The following AGBL3 variants were observed in gnomAD, a reference collection of about 807,000 sequenced individuals.
The protein encoded by AGBL3 is AGBL carboxypeptidase 3, also known as cytosolic carboxypeptidase 3.
Under a neutral mutation model 94.5 loss-of-function variants are expected in AGBL3, and 68 were observed. The observed-to-expected ratio is 0.72, with a 90% CI of 0.59 to 0.88. The LOEUF is 0.88. Among genes scored for constraint, AGBL3 ranks in the 40% least tolerant of loss-of-function variants. The pLI is 0.00. For missense variants in AGBL3, 934 were observed against 1,103.8 expected (o/e 0.85, Z 2.18); for synonymous variants, 354 against 370.7 (o/e 0.95, Z 0.52).
intron 15 of AGBL3, chr7:135,100,201 A>T (rs989619562): frequency 6.6e-6 from 1 of 152,056 alleles, no homozygotes; most frequent in Non-Finnish European, 1.5e-5. Flanking sequence ...TTTAAAAAAA[A>T]AAAAAACACT....
At chr7:135,118,363 G>GA (rs995466070) in intron 16 of AGBL3, among the ~76,000 whole-genome samples, 7 of 152,032 alleles carry the variant, frequency 4.6e-5, no homozygotes, top group African/African-American at 1.7e-4. Flanking sequence ...TTGTCACCTA[G>GA]ACCCCACCCC....
At chr7:135,034,036 G>T (rs1437348393) in intron 6 of AGBL3, 113 bp from the exon 7 acceptor site, 15 of 970,390 alleles carry the variant, frequency 1.5e-5, no homozygotes, top group Non-Finnish European at 2.2e-5. Context: ...TTCTGTGAAT[G>T]AGTAAAAATA....
chr7:134,993,713 A>G, intron 4 of AGBL3, 35 bp downstream of exon 4: 1 of 1,424,076 alleles, frequency 7.0e-7, no homozygotes, highest in Non-Finnish European at 9.3e-7. Context: ...TTCAGACATT[A>G]GCAAACTTAC....
intron 4 of AGBL3, among the ~76,000 whole-genome samples, chr7:134,996,774 ACATTCC>A (rs1036845937): frequency 6.6e-6 from 1 of 152,174 alleles, no homozygotes; most frequent in Admixed American, 6.5e-5. Flanking sequence ...TTTTGGGGGT[ACATTCC>A]CATAATTTCT....
chr7:135,066,660 C>T (rs1819335493), intron 12 of AGBL3, among the ~76,000 whole-genome samples: 1 of 152,212 alleles, frequency 6.6e-6, no homozygotes, highest in Admixed American at 6.5e-5. Flanking sequence ...GAGATATTAG[C>T]ATTCCCATGT....
intron 15 of AGBL3, among the ~76,000 whole-genome samples, chr7:135,095,604 CA>C (rs1159723825): frequency 2.0e-5 from 3 of 152,154 alleles, no homozygotes; most frequent in Non-Finnish European, 4.4e-5. Flanking sequence ...CAAGAAAATA[CA>C]AAAGCCATAT....
chr7:135,037,411 C>T lies in AGBL3; in HGVS notation c.1338-7C>T, dbSNP rs1009041294. On this transcript the variant is annotated splice_region_variant and splice_polypyrimidine_tract_variant and intron_variant, in intron 7 of 16. Transcript: ENST00000436302. ...AAAAGTTAGTAACTTATCTTTCTTCCTGGCAGACTGATGGAGAAACGAGAG... is the reference window on the plus strand; with the variant it reads ...AAAAGTTAGTAACTTATCTTTCTTCTTGGCAGACTGATGGAGAAACGAGAG... 2.5e-5 allele frequency: 39 copies of T among 1,536,918 alleles called. No individual in the cohort carries two copies. In the Admixed American group the frequency reaches 2.9e-4, roughly 12 times the overall value.
At chr7:135,074,805 C>G (rs1257010043) in intron 12 of AGBL3, among the ~76,000 whole-genome samples, 1 of 151,974 alleles carries the variant, frequency 6.6e-6, no homozygotes, top group East Asian at 1.9e-4. Flanking sequence ...TAAAAAATAA[C>G]AGTAAAAAGA....
chr7:135,021,697 G>T (rs974466654), intron 5 of AGBL3, among the ~76,000 whole-genome samples: 2 of 149,370 alleles, frequency 1.3e-5, no homozygotes, highest in African/African-American at 4.9e-5. Flanking sequence ...TACATGTGCA[G>T]AATGTGCAGG....
intron 16 of AGBL3, among the ~76,000 whole-genome samples, chr7:135,133,454 T>C (rs959256498): frequency 2.0e-5 from 3 of 152,216 alleles, no homozygotes; most frequent in African/African-American, 7.2e-5. Flanking sequence ...TGCCGATGCA[T>C]TAAAATAGCA....
rs185501290 is a variant in AGBL3, at chr7:135,082,328, C to T, written c.2110+538C>T. Among the ~76,000 whole-genome samples the T allele has an allele frequency of 2.5e-3, 388 of 152,172 alleles. 2 individuals carry two copies. Among genetic ancestry groups the T allele is most frequent in the Middle Eastern group, 0.014 (4 of 294 alleles). On this transcript the variant is annotated intron_variant, in intron 15 of 16. Coordinates refer to ENST00000436302, the MANE Select transcript of AGBL3 (RefSeq NM_178563.4). ...TCCTTGAAATAATGCAATTGTAATA[C>T]CTTCTCTATTTTTTAAAAAGCTGTC...
At chr7:134,994,217 G>A (rs1810676258) in intron 4 of AGBL3, among the ~76,000 whole-genome samples, 1 of 152,070 alleles carries the variant, frequency 6.6e-6, no homozygotes. Context: ...CTCCTTGTAG[G>A]TCTGTCTTCT....
At chr7:135,027,444 T>A (rs139114755) in intron 5 of AGBL3, among the ~76,000 whole-genome samples, 52 of 151,796 alleles carry the variant, frequency 3.4e-4, no homozygotes, top group Non-Finnish European at 6.2e-4. Context: ...GTATTTATAT[T>A]TATTTATGTA....
chr7:135,058,877 C>A (rs561726341), intron 11 of AGBL3, among the ~76,000 whole-genome samples: 1 of 152,276 alleles, frequency 6.6e-6, no homozygotes, highest in South Asian at 2.1e-4. Flanking sequence ...CTGCCTCAGC[C>A]TCCTGAGTAG....
chr7:135,080,118 C>A, intron 13 of AGBL3, 85 bp from the exon 14 acceptor site: 3 of 1,041,094 alleles, frequency 2.9e-6, no homozygotes, highest in Non-Finnish European at 2.8e-6. Flanking sequence ...GTTAAAAATG[C>A]ACAATACCAT....
intron 8 of AGBL3, among the ~76,000 whole-genome samples, chr7:135,041,705 A>T (rs1174310909): frequency 6.6e-6 from 1 of 152,214 alleles, no homozygotes; most frequent in African/African-American, 2.4e-5. Flanking sequence ...TAAATTGGAC[A>T]TCATCAGAAT....
At chr7:135,117,327 AC>A (rs1826460004) in intron 16 of AGBL3, among the ~76,000 whole-genome samples, 1 of 151,486 alleles carries the variant, frequency 6.6e-6, no homozygotes, top group Non-Finnish European at 1.5e-5. Flanking sequence ...ATCCACCTAG[AC>A]CCTATTCATT....
intron 2 of AGBL3, among the ~76,000 whole-genome samples, chr7:134,988,855 C>T (rs1584731626): frequency 6.6e-6 from 1 of 152,188 alleles, no homozygotes; most frequent in East Asian, 1.9e-4. Context: ...CCAGGCTGGT[C>T]TCAAACTTCT....
At chr7:135,008,081 ATG>A (rs1812618896) in intron 4 of AGBL3, among the ~76,000 whole-genome samples, 1 of 152,060 alleles carries the variant, frequency 6.6e-6, no homozygotes, top group Non-Finnish European at 1.5e-5. Flanking sequence ...TACAGATTGA[ATG>A]CAATTTCCAT....
Sources: allele counts gnomAD v4.1 joint callset (sites outside exome capture counted in the v4.1 genomes callset), GRCh38; gene constraint gnomAD v4.1.1; transcripts MANE v1.5; gene names NCBI Gene and HGNC (gene_info 2026-07-23, HGNC 2026-07-21).